The following GRM7 variants were observed in gnomAD, a reference collection of about 807,000 sequenced individuals.
GRM7 encodes metabotropic glutamate receptor 7.
A neutral mutation model predicts 84.5 loss-of-function variants in GRM7; 35 were observed. That is an observed-to-expected ratio of 0.41 (90% CI 0.32 to 0.55). The LOEUF (loss-of-function observed/expected upper bound fraction) is 0.55. GRM7 is among the 20% of genes least tolerant of loss of function. The pLI is 0.19. For missense variants in GRM7, 1,003 were observed against 1,194.6 expected, an observed-to-expected ratio of 0.84 and a Z score of 2.36; for synonymous variants, 487 against 455.1, an observed-to-expected ratio of 1.07 and a Z score of -0.89.
intron 1 of GRM7, among the ~76,000 whole-genome samples, chr3:6,951,543 C>G (rs1692764499): frequency 6.6e-6 from 1 of 151,870 alleles, no homozygotes; most frequent in South Asian, 2.1e-4. Flanking sequence ...TCTTTGATTC[C>G]TAGGTTATTT....
At chr3:7,155,976 A>G (rs1694436574) in intron 2 of GRM7, among the ~76,000 whole-genome samples, 1 of 152,198 alleles carries the variant, frequency 6.6e-6, no homozygotes, top group South Asian at 2.1e-4. Flanking sequence ...ATCACTGGAC[A>G]GTATTATTCC....
intron 1 of GRM7, among the ~76,000 whole-genome samples, chr3:6,996,439 T>C (rs911002677): frequency 6.6e-6 from 1 of 152,228 alleles, no homozygotes. Flanking sequence ...GATTTAGTTT[T>C]AAGAGTAATT....
At chr3:7,246,334 T>C (rs1697758893) in intron 2 of GRM7, among the ~76,000 whole-genome samples, 1 of 152,158 alleles carries the variant, frequency 6.6e-6, no homozygotes, top group Admixed American at 6.6e-5. Context: ...AATTTAGGCT[T>C]TCCTTAGTGA....
chr3:7,576,552 A>C (rs17047616), intron 7 of GRM7, among the ~76,000 whole-genome samples: 45,726 of 152,102 alleles, frequency 0.3, 7,189 homozygotes, highest in Middle Eastern at 0.4. Context: ...TATGCATTTC[A>C]TTCAGTATAT....
intron 7 of GRM7, among the ~76,000 whole-genome samples, chr3:7,487,403 C>G (rs1442643141): frequency 6.6e-6 from 1 of 152,132 alleles, no homozygotes; most frequent in African/African-American, 2.4e-5. Flanking sequence ...AAAAGGGATT[C>G]AGTTGTTGTG....
chr3:7,060,009 C>A (rs1003855878), intron 1 of GRM7, among the ~76,000 whole-genome samples: 1 of 151,892 alleles, frequency 6.6e-6, no homozygotes, highest in Non-Finnish European at 1.5e-5. Flanking sequence ...ATATTCCAGG[C>A]GAAGTCCAAA....
At chr3:7,445,537 C>T (rs1383935198) in intron 5 of GRM7, among the ~76,000 whole-genome samples, 5 of 152,064 alleles carry the variant, frequency 3.3e-5, no homozygotes, top group Non-Finnish European at 7.4e-5. Context: ...TTTCAGGAGT[C>T]GCTCATCACA....
At chr3:7,648,313 CAT>C (rs1422467153) in intron 8 of GRM7, among the ~76,000 whole-genome samples, 4 of 148,332 alleles carry the variant, frequency 2.7e-5, no homozygotes, top group South Asian at 2.1e-4. Context: ...AAATAAAAAA[CAT>C]ATTGATAATT....
At chr3:7,238,997 C>CTTTTTTTTTTTT (rs1559520012) in intron 2 of GRM7, among the ~76,000 whole-genome samples, 2 of 137,612 alleles carry the variant, frequency 1.5e-5, no homozygotes, top group African/African-American at 2.7e-5. Flanking sequence ...TTCTTTTTTC[C>CTTTTTTTTTTTT]TTTTTCTTTT....
intron 7 of GRM7, among the ~76,000 whole-genome samples, chr3:7,500,556 G>T (rs1329028411): frequency 6.6e-6 from 1 of 152,214 alleles, no homozygotes; most frequent in African/African-American, 2.4e-5. Flanking sequence ...CCAGAGGCCT[G>T]GAGGGAACTT....
At chr3:7,725,523 A>G (rs1702092722) in intron 9 of GRM7, among the ~76,000 whole-genome samples, 1 of 152,148 alleles carries the variant, frequency 6.6e-6, no homozygotes, top group Non-Finnish European at 1.5e-5. Flanking sequence ...ACACAGAAGT[A>G]AAGGCCTTGG....
rs1575020734 is a variant in GRM7, at chr3:6,924,758, G to C, written c.519+62851G>C. On this transcript the variant is annotated intron_variant, in intron 1 of 9. Transcript: ENST00000357716. ...CATTAATTAAAGAAACTCAGAGTAT[G>C]TTAGCATTAAAAGCATATCTCCAAC... Among the ~76,000 whole-genome samples the C allele has an allele frequency of 5.9e-5, 9 of 152,290 alleles. 1 individual carries two copies. The South Asian group carries it at 1.9e-3, about 32-fold the overall frequency.
intron 1 of GRM7, among the ~76,000 whole-genome samples, chr3:6,965,847 G>A (rs990253940): frequency 6.6e-6 from 1 of 152,122 alleles, no homozygotes; most frequent in African/African-American, 2.4e-5. Flanking sequence ...CTATTGAGGG[G>A]TCTGCTGATT....
chr3:7,606,327 A>G (rs1575547213), intron 8 of GRM7, among the ~76,000 whole-genome samples: 1 of 152,142 alleles, frequency 6.6e-6, no homozygotes, highest in Admixed American at 6.6e-5. Context: ...CTTCAAAGAT[A>G]GTTTTAGGTG....
intron 1 of GRM7, among the ~76,000 whole-genome samples, chr3:7,090,056 C>G (rs1357118857): frequency 6.6e-6 from 1 of 152,002 alleles, no homozygotes; most frequent in African/African-American, 2.4e-5. Context: ...TTGGCCAGGC[C>G]AGTCTTGAAC....
rs150322240 is a variant in GRM7, at chr3:7,601,624, G to A, written c.2451+22267G>A. Among the ~76,000 whole-genome samples, 263 of 152,186 alleles carry A rather than the reference G, an allele frequency of 1.7e-3. 6 individuals are homozygous for A. In the South Asian group the frequency reaches 0.035, roughly 20 times the overall value. On this transcript the variant is annotated intron_variant, in intron 8 of 9. Coordinates refer to ENST00000357716, the MANE Select transcript of GRM7 (RefSeq NM_000844.4). Reference sequence around the variant, plus strand: ...CTGCAAAGAACAAAAACCTGGCTCAGGGTGGCTTGAATACCAAGGAGATGT... The same window carrying A: ...CTGCAAAGAACAAAAACCTGGCTCAAGGTGGCTTGAATACCAAGGAGATGT...
Position 7,379,375 on chromosome 3 carries a change from G to A in GRM7, c.1034-35648G>A, listed in dbSNP as rs1030919881. Among the ~76,000 whole-genome samples, 31 of 152,186 alleles carry A rather than the reference G, an allele frequency of 2.0e-4. No individual in the cohort carries two copies. In the East Asian group the frequency reaches 3.7e-3, roughly 18 times the overall value. On this transcript the variant is annotated intron_variant, in intron 4 of 9. Transcript: ENST00000357716. Reference sequence around the variant, plus strand: ...CCCAAAGTGCTAGGATTACAGGTGCGAGCCACCATGCCCAGACTCTTCTGT... The same window carrying A: ...CCCAAAGTGCTAGGATTACAGGTGCAAGCCACCATGCCCAGACTCTTCTGT...
At chr3:7,148,371 C>A (rs1694174635) in intron 2 of GRM7, among the ~76,000 whole-genome samples, 2 of 152,114 alleles carry the variant, frequency 1.3e-5, no homozygotes, top group South Asian at 4.1e-4. Flanking sequence ...AGGGCAGATG[C>A]CAGTTTGCAC....
At position 7,524,864 on chromosome 3, in the gene GRM7, C is replaced by G. The variant is rs1391050791; in HGVS notation, c.1516-53558C>G. On this transcript the variant is annotated intron_variant, in intron 7 of 9. Transcript: ENST00000357716. ...ACAATAGCAAAGACTTGGAACCAAC[C>G]CAAATGTCCAACAATGATAGACTGG... 1.8e-5 allele frequency among the ~76,000 whole-genome samples: 2 copies of G among 108,796 alleles called. 1 individual carries two copies. Among genetic ancestry groups the G allele is most frequent in the Non-Finnish European group, 3.6e-5 (2 of 55,476 alleles). The allele number at this position is 108,796 out of a possible 152,430, so 71.4% of individuals were successfully genotyped here.
Sources: gnomAD v4.1 joint callset for allele counts (sites outside exome capture counted in the v4.1 genomes callset) on GRCh38, gnomAD v4.1.1 for gene constraint, MANE v1.5 for transcripts, NCBI Gene and HGNC (gene_info 2026-07-23, HGNC 2026-07-21) for gene names.